CDKL5: variants seen among roughly 807,000 people sequenced by gnomAD.
CDKL5 encodes the protein cyclin-dependent kinase-like 5.
CDKL5 carries 8 observed loss-of-function variants against 61.7 expected under a neutral mutation model. The ratio of observed to expected loss-of-function variants is 0.13; its 90% confidence interval spans 0.08 to 0.23. The LOEUF (loss-of-function observed/expected upper bound fraction) is 0.23, where lower values mean the gene tolerates loss of function less well. CDKL5 is among the 10% of genes least tolerant of loss of function. The pLI is 1.00. For synonymous variants in CDKL5, 275 were observed against 272.3 expected, an observed-to-expected ratio of 1.01 and a Z score of -0.10; for missense variants, 440 against 734.5, an observed-to-expected ratio of 0.60 and a Z score of 4.63.
intron 16 of CDKL5, among the ~76,000 whole-genome samples, chrX:18,624,579 A>G (rs978315860): frequency 8.9e-6 from 1 of 112,124 alleles, no homozygotes; most frequent in African/African-American, 3.2e-5. Flanking sequence ...ACAGATTTCC[A>G]GCATTTCTCT....
At chrX:18,473,221 A>C (rs1921169143) in intron 1 of CDKL5, among the ~76,000 whole-genome samples, 1 of 110,615 alleles carries the variant, frequency 9.0e-6, no homozygotes, top group African/African-American at 3.3e-5. Flanking sequence ...GGCCTCCCAA[A>C]GTGCTGGAAT....
chrX:18,645,729 T>C (rs773107840), intron 19 of CDKL5, among the ~76,000 whole-genome samples: 2 of 111,459 alleles, frequency 1.8e-5, no homozygotes, highest in South Asian at 7.6e-4. Flanking sequence ...GTGCTTGCGA[T>C]ACTCTTCGAC....
intron 3 of CDKL5, among the ~76,000 whole-genome samples, chrX:18,522,395 A>G (rs1285710924): frequency 2.6e-5 from 2 of 76,781 alleles, no homozygotes; most frequent in African/African-American, 1.1e-4. Context: ...CCCGGGCTGG[A>G]GTGAAGTGTT....
intron 15 of CDKL5, among the ~76,000 whole-genome samples, chrX:18,616,986 A>G (rs1234106192): frequency 5.5e-5 from 6 of 109,938 alleles, no homozygotes; most frequent in Non-Finnish European, 1.1e-4. Flanking sequence ...CCTGTCCCCT[A>G]CCCCCAACAA....
chrX:18,628,860 T>C lies in CDKL5; in HGVS notation c.*103T>C. 9.2e-7 allele frequency: 1 copy of C among 1,084,166 alleles called. No individual in the cohort carries two copies. Among genetic ancestry groups the C allele is most frequent in the East Asian group, 3.3e-5 (1 of 30,091 alleles). The allele number at this position is 1,084,166 out of a possible 1,213,427, so 89.3% of individuals were successfully genotyped here. A position where few individuals can be genotyped will look rare whatever the true frequency, so the allele number is the denominator to read the frequency against. ...TGGGCCGGGCCAAGTGGTGAGCCAA[T>C]ATTTTCAGCTTTATGAAGGTGTGTG... On this transcript the variant is annotated 3_prime_UTR_variant, in exon 18 of 18. Coordinates refer to ENST00000623535, the MANE Select transcript of CDKL5 (RefSeq NM_001323289.2).
At chrX:18,565,979 G>A (rs957555241) in intron 4 of CDKL5, among the ~76,000 whole-genome samples, 2 of 111,768 alleles carry the variant, frequency 1.8e-5, no homozygotes, top group Non-Finnish European at 3.8e-5. Flanking sequence ...GAGACAAATG[G>A]TGATTTCCTA....
chrX:18,484,096 CT>C (rs1222145140), intron 1 of CDKL5, among the ~76,000 whole-genome samples: 2 of 111,785 alleles, frequency 1.8e-5, no homozygotes, highest in African/African-American at 3.3e-5. Context: ...TCTGTTTCCT[CT>C]TTGCTATAAT....
chrX:18,546,404 GGCGC>G (rs946965272), intron 3 of CDKL5, among the ~76,000 whole-genome samples: 2 of 108,689 alleles, frequency 1.8e-5, no homozygotes, highest in African/African-American at 6.7e-5. Flanking sequence ...TGGGATTACA[GGCGC>G]CCGCCACCAC....
chrX:18,610,469 TTGTC>T (rs1926513886), intron 14 of CDKL5, among the ~76,000 whole-genome samples: 1 of 112,859 alleles, frequency 8.9e-6, no homozygotes, highest in Non-Finnish European at 1.9e-5. Context: ...CACTGATTCT[TTGTC>T]TGAGTTCTCT....
At chrX:18,628,333 A>G in intron 17 of CDKL5, 38 bp from the exon 18 acceptor site, 8 of 1,196,504 alleles carry the variant, frequency 6.7e-6, no homozygotes, top group Non-Finnish European at 9.1e-6. Context: ...TGGTCGCTCT[A>G]ACTTGAATCC....
At position 18,509,197 on chromosome X, in the gene CDKL5, G is replaced by GCACGCGCGCGCGCGCA. The variant is rs1204561636; in HGVS notation, c.65-1620_65-1619insGCGCGCGCGCGCACAC. On this transcript the variant is annotated intron_variant, in intron 2 of 17. Transcript: ENST00000623535. ...AGAGAGCGAGACTGTCTCAAAACAC[G>GCACGCGCGCGCGCGCA]CACACACACACACACACACACACAC... Among the ~76,000 whole-genome samples, 5 of 64,308 alleles carry GCACGCGCGCGCGCGCA rather than the reference G, an allele frequency of 7.8e-5. No homozygotes were observed. In the East Asian group the frequency reaches 2.8e-3, roughly 35 times the overall value. The allele number at this position is 64,308 out of a possible 115,157, so 55.8% of individuals were successfully genotyped here. A position where few individuals can be genotyped will look rare whatever the true frequency, so the allele number is the denominator to read the frequency against.
intron 20 of CDKL5, chrX:18,650,393 C>G: frequency 3.3e-6 from 4 of 1,210,227 alleles, no homozygotes; most frequent in Non-Finnish European, 4.5e-6. Flanking sequence ...TTCCACTGCC[C>G]TCTGAATATT....
At chrX:18,592,031 A>G (rs1925848780) in intron 9 of CDKL5, among the ~76,000 whole-genome samples, 1 of 112,197 alleles carries the variant, frequency 8.9e-6, no homozygotes, top group Non-Finnish European at 1.9e-5. Context: ...GAATGATTAA[A>G]TATTTGACCT....
intron 3 of CDKL5, among the ~76,000 whole-genome samples, chrX:18,551,857 T>C (rs1206664765): frequency 9.3e-6 from 1 of 107,859 alleles, no homozygotes; most frequent in Non-Finnish European, 1.9e-5. Flanking sequence ...CCTCCAAAAG[T>C]GCTGAGATTA....
intron 1 of CDKL5, among the ~76,000 whole-genome samples, chrX:18,479,816 A>T (rs1476454278): frequency 9.0e-6 from 1 of 111,427 alleles, no homozygotes; most frequent in Non-Finnish European, 1.9e-5. Context: ...TGTTCTTCAG[A>T]TTGCATAATC....
In CDKL5 at chrX:18,632,061, G is replaced by T. The variant is rs1034036879; in HGVS notation, c.*3304G>T. ...AGGACAGCCCCCCAAACAAACAGTG[G>T]TCCAGCCCCAAGCACTACTAGTGCT... is the stretch of plus-strand genomic sequence containing the variant. On this transcript the variant is annotated 3_prime_UTR_variant, in exon 18 of 18. Transcript: ENST00000623535. 1 of 697,653 alleles carries T rather than the reference G, an allele frequency of 1.4e-6. No homozygotes were observed. The highest frequency in any genetic ancestry group is 2.4e-5 in the African/African-American group (1 of 42,071). 57.5% of individuals were successfully genotyped at this position (697,653 alleles called of 1,213,427 possible). A position where few individuals can be genotyped will look rare whatever the true frequency, so the allele number is the denominator to read the frequency against.
At chrX:18,500,948 C>T (rs1012632180) in intron 1 of CDKL5, among the ~76,000 whole-genome samples, 2 of 110,958 alleles carry the variant, frequency 1.8e-5, no homozygotes, top group East Asian at 2.8e-4. Context: ...AAAAAATTCT[C>T]GTGCCTTAGC....
chrX:18,530,345 A>C (rs952889652), intron 3 of CDKL5, among the ~76,000 whole-genome samples: 1 of 109,459 alleles, frequency 9.1e-6, no homozygotes, highest in South Asian at 3.9e-4. Context: ...CAAAAAAAAA[A>C]AAAAAAAGAA....
rs145431569 is a variant in CDKL5, at chrX:18,647,732, G to T, written c.2797+1642G>T. On this transcript the variant is annotated intron_variant, in intron 20 of 21. Transcript: ENST00000379989. ...TATTTCCCCCATTAACACAGATTTA[G>T]CCATCCTGCCTCATGACGTCAGGTC... 586 of 179,346 alleles carry T rather than the reference G, an allele frequency of 3.3e-3. 4 individuals are homozygous for T. The highest frequency in any genetic ancestry group is 0.017 in the African/African-American group (555 of 33,217). 14.8% of individuals were successfully genotyped at this position (179,346 alleles called of 1,213,427 possible). A position where few individuals can be genotyped will look rare whatever the true frequency, so the allele number is the denominator to read the frequency against.
Sources: allele counts gnomAD v4.1 joint callset (sites outside exome capture counted in the v4.1 genomes callset), GRCh38; gene constraint gnomAD v4.1.1; transcripts MANE v1.5; gene names NCBI Gene and HGNC (gene_info 2026-07-23, HGNC 2026-07-21).